Variants in LIMS2 observed in about 807,000 individuals in gnomAD.
The protein encoded by LIMS2 is LIM and senescent cell antigen-like-containing domain protein 2.
Under a neutral mutation model 45.3 loss-of-function variants are expected in LIMS2, and 30 were observed. That is an observed-to-expected ratio of 0.66 (90% CI 0.50 to 0.90). LIMS2 has a LOEUF of 0.90. Among genes scored for constraint, LIMS2 ranks in the 40% least tolerant of loss-of-function variants. LIMS2 has a pLI of 0.00. For synonymous variants in LIMS2, 173 were observed against 188.0 expected (o/e 0.92, Z 0.65); for missense variants, 485 against 468.7 (o/e 1.03, Z -0.32).
chr2:127,639,539 T>G, intron 9 of LIMS2, 111 bp from the exon 10 acceptor site: 4 of 1,364,466 alleles, frequency 2.9e-6, no homozygotes, highest in African/African-American at 1.4e-5. Flanking sequence ...CACCAGCCTC[T>G]CCTAGCCAGC....
intron 1 of LIMS2, among the ~76,000 whole-genome samples, chr2:127,658,850 C>T (rs1461134484): frequency 1.3e-5 from 2 of 152,168 alleles, no homozygotes; most frequent in Non-Finnish European, 2.9e-5. Context: ...TGGCAGGACT[C>T]GAGTGCAGTG....
Position 127,647,858 on chromosome 2 carries a change from C to A in LIMS2, c.360-4786G>T, listed in dbSNP as rs1353987154. 6.6e-6 allele frequency among the ~76,000 whole-genome samples: 1 copy of A among 152,036 alleles called. No individual in the cohort carries two copies. The highest frequency in any genetic ancestry group is 2.4e-5 in the African/African-American group (1 of 41,382). ...AACACGACACCCTCAAAGTCATGGG[C>A]CCCCCTCCCCTGCCACCGTCCCACC... On this transcript the variant is annotated intron_variant, in intron 4 of 9. Coordinates refer to ENST00000355119, the MANE Select transcript of LIMS2 (RefSeq NM_001161403.3). This position sits in a 1 kb window ranked among gnomAD's most constrained non-coding sequence, Gnocchi z 4.3.
intron 4 of LIMS2, chr2:127,643,362 C>CTT (rs1443928985): frequency 3.1e-4 from 162 of 520,232 alleles, no homozygotes; most frequent in African/African-American, 2.8e-3. Context: ...GGGCATGCTG[C>CTT]AGAATACAGT....
Position 127,639,395 on chromosome 2 carries a change from C to T in LIMS2, c.912G>A (p.Val304=), listed in dbSNP as rs757061758. 1.2e-6 allele frequency: 2 copies of T among 1,613,926 alleles called. No individual in the cohort carries two copies. Among genetic ancestry groups the T allele is most frequent in the South Asian group, 1.1e-5 (1 of 91,084 alleles). ...NKFVEFDMKP[V]CKRCYEKFPL... Reference sequence around the variant, plus strand: ...GGAACTTCTCGTAGCACCTCTTACACACGGGCTTCATGTCGAACTCCACAA... The same window carrying T: ...GGAACTTCTCGTAGCACCTCTTACATACGGGCTTCATGTCGAACTCCACAA... Residue 304 remains valine (V), a synonymous_variant, in exon 10 of 10, where the codon GTG becomes GTA. Coordinates refer to ENST00000355119, the MANE Select transcript of LIMS2 (RefSeq NM_001161403.3).
rs1178637427 is a variant in LIMS2, at chr2:127,672,754, C to T, written c.11+2260G>A. Among the ~76,000 whole-genome samples the T allele has an allele frequency of 6.6e-6, 1 of 152,266 alleles. No homozygotes were observed. Among genetic ancestry groups the T allele is most frequent in the Non-Finnish European group, 1.5e-5 (1 of 68,048 alleles). On this transcript the variant is annotated intron_variant, in intron 1 of 9. Coordinates refer to ENST00000355119, the MANE Select transcript of LIMS2 (RefSeq NM_001161403.3). This position sits in a 1 kb window ranked among gnomAD's most constrained non-coding sequence, Gnocchi z 4.9. ...CTGCAGACAGCATGGCCACACATGCCACTCCAGGTCACTTTGGTGGCTCCC... is the reference window on the plus strand; with the variant it reads ...CTGCAGACAGCATGGCCACACATGCTACTCCAGGTCACTTTGGTGGCTCCC...
At position 127,651,453 on chromosome 2, in the gene LIMS2, G is replaced by A. The variant is rs774813376; in HGVS notation, c.359+2971C>T. The A allele has an allele frequency of 5.0e-6, 8 of 1,613,014 alleles. No individual in the cohort carries two copies. The highest frequency in any genetic ancestry group is 5.9e-6 in the Non-Finnish European group (7 of 1,180,046). On this transcript the variant is annotated intron_variant, in intron 4 of 9. Coordinates refer to ENST00000355119, the MANE Select transcript of LIMS2 (RefSeq NM_001161403.3). ...CAAGGCAGTGCGCATGATCGCCATA[G>A]TGCTGGCCATCTTCCTGGTCTGCTT...
rs914810454 is a variant in LIMS2 at position 127,667,245 on chromosome 2, C to G, written c.11+7769G>C. Among the ~76,000 whole-genome samples, 6 of 152,156 alleles carry G rather than the reference C, an allele frequency of 3.9e-5. No homozygotes were observed. The highest frequency in any genetic ancestry group is 1.4e-4 in the African/African-American group (6 of 41,440). On this transcript the variant is annotated intron_variant, in intron 1 of 9. Coordinates refer to ENST00000355119, the MANE Select transcript of LIMS2 (RefSeq NM_001161403.3). The surrounding 1 kb of genome is among the most constrained non-coding windows in gnomAD (Gnocchi z 4.1). ...GGCGGAGGTTGCAGTGAGCTGAGAT[C>G]ACGCCACTGCACTCCAGCCTGGGTG...
At chr2:127,656,415 C>CT (rs61254122) in intron 2 of LIMS2, among the ~76,000 whole-genome samples, 5,206 of 134,554 alleles carry the variant, frequency 0.039, 132 homozygotes, top group Middle Eastern at 0.085. Context: ...TTTTTTCTTT[C>CT]TTTTTTTTTT....
At chr2:127,660,981 C>T (rs988897062) in intron 1 of LIMS2, among the ~76,000 whole-genome samples, 2 of 152,210 alleles carry the variant, frequency 1.3e-5, no homozygotes, top group Non-Finnish European at 2.9e-5. Flanking sequence ...AGGGGCTGCC[C>T]CAGCCCAAGT....
intron 4 of LIMS2, chr2:127,650,608 GA>G: frequency 1.3e-6 from 1 of 764,172 alleles, no homozygotes; most frequent in South Asian, 1.7e-5. Context: ...TGCTGAGCTT[GA>G]AAGTGGGAGG....
rs374867696 is a variant in LIMS2, at chr2:127,651,230, G to A, written c.359+3194C>T. 197 of 1,607,554 alleles carry A rather than the reference G, an allele frequency of 1.2e-4. No homozygotes were observed. The Middle Eastern group carries it at 1.5e-3, about 12-fold the overall frequency. ...TGGTGGTGGCTGTGGCCATGGCCCC[G>A]CTGCTGGTGAGCCCACAGACCGTGC... is the stretch of plus-strand genomic sequence containing the variant. On this transcript the variant is annotated intron_variant, in intron 4 of 9. Transcript: ENST00000355119.
chr2:127,641,941 A>G lies in LIMS2; in HGVS notation c.660+108T>C, dbSNP rs936563496. On this transcript the variant is annotated intron_variant, in intron 6 of 9. Transcript: ENST00000355119. The stretch of plus-strand genomic sequence containing the variant: ...CTGAGGAAGGGCCTCGTTGGGAGCC[A>G]GCCACCCGCCCTGGGCTGGGAGTGT... The G allele has an allele frequency of 3.0e-6, 4 of 1,324,232 alleles. No individual in the cohort carries two copies. In the Admixed American group the frequency reaches 8.2e-5, roughly 27 times the overall value. The allele number at this position is 1,324,232 out of a possible 1,614,324, so 82.0% of individuals were successfully genotyped here. A position where few individuals can be genotyped will look rare whatever the true frequency, so the allele number is the denominator to read the frequency against.
intron 1 of LIMS2, among the ~76,000 whole-genome samples, chr2:127,659,543 CTG>C (rs1684478736): frequency 1.3e-5 from 2 of 152,224 alleles, no homozygotes; most frequent in Admixed American, 1.3e-4. Context: ...CGGGAGAACA[CTG>C]TGAACCTCCT....
chr2:127,654,270 G>T (rs571607087), intron 4 of LIMS2, among the ~76,000 whole-genome samples, 154 bp downstream of exon 4: 1 of 152,062 alleles, frequency 6.6e-6, no homozygotes, highest in African/African-American at 2.4e-5. Context: ...TATCCGCCCC[G>T]GGGTGACCTG....
intron 1 of LIMS2, among the ~76,000 whole-genome samples, chr2:127,668,886 A>T (rs887389200): frequency 1.3e-5 from 2 of 151,722 alleles, no homozygotes; most frequent in Admixed American, 6.6e-5. Context: ...GAGCCCAGGA[A>T]TTCAAGACCA....
chr2:127,655,196 G>T, intron 2 of LIMS2: 1 of 516,646 alleles, frequency 1.9e-6, no homozygotes, highest in South Asian at 2.1e-5. Flanking sequence ...AACAGGCTGG[G>T]GGCGAGGCGG....
At chr2:127,651,650 C>T in intron 4 of LIMS2, 1 of 1,613,466 alleles carries the variant, frequency 6.2e-7, no homozygotes, top group East Asian at 2.2e-5. Context: ...AGAAGTTCCG[C>T]CACGCCCTGT....
chr2:127,671,074 A>C lies in LIMS2; in HGVS notation c.11+3940T>G, dbSNP rs114531167. On this transcript the variant is annotated intron_variant, in intron 1 of 9. Coordinates refer to ENST00000355119, the MANE Select transcript of LIMS2 (RefSeq NM_001161403.3). The surrounding 1 kb of genome is among the most constrained non-coding windows in gnomAD (Gnocchi z 4.1). ...ACGCTACACCTCAACAGAACAAGCAAGACAGTGACAGTGCCTCCCTTGGCC... is the reference window on the plus strand; with the variant it reads ...ACGCTACACCTCAACAGAACAAGCACGACAGTGACAGTGCCTCCCTTGGCC... Among the ~76,000 whole-genome samples, 369 of 152,322 alleles carry C rather than the reference A, an allele frequency of 2.4e-3. 1 individual carries two copies. The highest frequency in any genetic ancestry group is 8.5e-3 in the African/African-American group (355 of 41,568).
chr2:127,648,858 C>T (rs1683277469), intron 4 of LIMS2, among the ~76,000 whole-genome samples: 1 of 150,022 alleles, frequency 6.7e-6, no homozygotes, highest in African/African-American at 2.5e-5. Flanking sequence ...GAGGTTGAGG[C>T]TGCAGTGAGC....
Sources: gnomAD v4.1 joint callset for allele counts (sites outside exome capture counted in the v4.1 genomes callset) on GRCh38, gnomAD v4.1.1 for gene constraint, Gnocchi (gnomAD v3.1) non-coding constraint, MANE v1.5 for transcripts, NCBI Gene and HGNC (gene_info 2026-07-23, HGNC 2026-07-21) for gene names.